The following SNRNP200 variants were observed in gnomAD, a reference collection of about 807,000 sequenced individuals.
The protein encoded by SNRNP200 is U5 small nuclear ribonucleoprotein 200 kDa helicase.
In SNRNP200, 66 loss-of-function variants were observed where a neutral mutation model predicts 255.2. The ratio of observed to expected loss-of-function variants is 0.26; its 90% confidence interval spans 0.21 to 0.32. The LOEUF (loss-of-function observed/expected upper bound fraction) is 0.32. Ranked by LOEUF, SNRNP200 falls within the 10% of genes least tolerant of loss-of-function variation. SNRNP200 has a pLI of 1.00. For missense variants in SNRNP200, 1,585 were observed against 2,749.8 expected, an observed-to-expected ratio of 0.58 and a Z score of 9.47; for synonymous variants, 939 against 1,027.8, an observed-to-expected ratio of 0.91 and a Z score of 1.65.
rs766264559 is a variant in SNRNP200 at position 96,298,936 on chromosome 2, T to C, written c.761A>G (p.Lys254Arg). 32 of 1,614,094 alleles carry C rather than the reference T, an allele frequency of 2.0e-5. No individual in the cohort carries two copies. The highest frequency in any genetic ancestry group is 2.7e-5 in the Non-Finnish European group (32 of 1,180,052). The change falls in exon 7 of 45, where the codon AAG (lysine) becomes AGG (arginine). Residue 254 changes from lysine to arginine, a missense_variant. Transcript: ENST00000323853. ...LVASGELMSS[K>R]KKDLHPRDID... is the part of the protein sequence containing the mutation. ...ATCCCGAGGGTGCAAATCCTTCTTCTTGGAACTCATCAGTTCACCTGAGGC... is the reference window on the plus strand; with the variant it reads ...ATCCCGAGGGTGCAAATCCTTCTTCCTGGAACTCATCAGTTCACCTGAGGC...
Position 96,278,036 on chromosome 2 carries a change from T to C in SNRNP200, c.5611-86A>G. 6.3e-7 allele frequency: 1 copy of C among 1,590,184 alleles called. No individual in the cohort carries two copies. The stretch of plus-strand genomic sequence containing the variant: ...GGCCAAAGCACCACGTGGCCCAGGC[T>C]CACACAGCCCTTCAACACCCTGAGG... On this transcript the variant is annotated intron_variant, in intron 39 of 44. Transcript: ENST00000323853. This position sits in a 1 kb window ranked among gnomAD's most constrained non-coding sequence, Gnocchi z 6.9.
In SNRNP200 at chr2:96,279,015, G is replaced by A. The variant is rs750884264; in HGVS notation, c.5134-17C>T. 3.7e-6 allele frequency: 6 copies of A among 1,602,774 alleles called. No individual in the cohort carries two copies. The East Asian group carries it at 8.9e-5, about 24-fold the overall frequency. ...GAAGAAATCCTGTGGGTTGGAGAGG[G>A]AGAAGGAGTAATAAAGAATTAGTGA... is the stretch of plus-strand genomic sequence containing the variant. On this transcript the variant is annotated splice_polypyrimidine_tract_variant and intron_variant, in intron 36 of 44. Coordinates refer to ENST00000323853, the MANE Select transcript of SNRNP200 (RefSeq NM_014014.5).
chr2:96,287,465 A>C lies in SNRNP200; in HGVS notation c.3458T>G (p.Leu1153Arg). ...AATCTCATTATGATTCAGGTCGTAC[A>C]GACGCTCAAAGGGGAAATTCTTCTT... Reference protein sequence around the residue: ...IEKKNFPFERLYDLNHNEIGE... With the variant: ...IEKKNFPFERRYDLNHNEIGE... The change falls in exon 26 of 45, where the codon CTG becomes CGG. Residue 1153 changes from leucine (L) to arginine (R), a missense_variant. By Grantham distance (102) the Leu-to-Arg change is moderately radical (BLOSUM62 -2). Around this residue, in one of 9 missense-constraint regions of SNRNP200, gnomAD observed 719 missense variants for 1,091.1 expected, o/e 0.66. Transcript: ENST00000323853. This position sits in a 1 kb window ranked among gnomAD's most constrained non-coding sequence, Gnocchi z 5.7. The C allele has an allele frequency of 6.2e-7, 1 of 1,613,522 alleles. No individual in the cohort carries two copies. Among genetic ancestry groups the C allele is most frequent in the Non-Finnish European group, 8.5e-7 (1 of 1,179,382 alleles).
At position 96,278,549 on chromosome 2, in the gene SNRNP200, A is replaced by G; in HGVS notation, c.5486T>C (p.Ile1829Thr). ...ACACGGGCCATGCCGGGCCTCACCA[A>G]TGGTGGTGTAGTTGATGTAATAGTA... ...AAYYYINYTT[I>T]ELFSMSLNAK... Residue 1829 changes from isoleucine to threonine, a missense_variant and splice_region_variant, in exon 38 of 45, where the codon ATT becomes ACT. Physicochemically the swap from Ile to Thr is moderately conservative, Grantham distance 89 (BLOSUM62 -1). This residue lies in a region of SNRNP200 where 279 missense variants were observed against 551.2 expected (regional missense o/e 0.51). Transcript: ENST00000323853. The surrounding 1 kb of genome is among the most constrained non-coding windows in gnomAD (Gnocchi z 6.9). The G allele has an allele frequency of 1.2e-6, 2 of 1,613,960 alleles. No individual in the cohort carries two copies. Among genetic ancestry groups the G allele is most frequent in the Non-Finnish European group, 1.7e-6 (2 of 1,180,016 alleles).
At chr2:96,292,884 T>G in intron 16 of SNRNP200, 88 bp downstream of exon 16, 1 of 1,495,420 alleles carries the variant, frequency 6.7e-7, no homozygotes, top group Non-Finnish European at 9.3e-7. Context: ...TCTTCTCTCT[T>G]TTAATTTCTG....
At position 96,274,577 on chromosome 2, in the gene SNRNP200, G is replaced by C; in HGVS notation, c.*435C>G. 5.4e-5 allele frequency: 16 copies of C among 294,954 alleles called. 1 individual carries two copies. The highest frequency in any genetic ancestry group is 4.9e-4 in the South Asian group (15 of 30,542). The allele number at this position is 294,954 out of a possible 1,614,324, so 18.3% of individuals were successfully genotyped here. The stretch of plus-strand genomic sequence containing the variant: ...TACCCTCCTCTGGGCTGACTCACGA[G>C]GCTACAGGGGACAGCACACCTAATG... On this transcript the variant is annotated 3_prime_UTR_variant, in exon 45 of 45. Transcript: ENST00000323853.
At position 96,275,095 on chromosome 2, in the gene SNRNP200, T is replaced by A; in HGVS notation, c.6328A>T (p.Ser2110Cys). Residue 2110 changes from serine (S) to cysteine (C), a missense_variant, in exon 45 of 45, where the codon AGT becomes TGT. This residue lies in a region of SNRNP200 where 279 missense variants were observed against 551.2 expected (regional missense o/e 0.51). Coordinates refer to ENST00000323853, the MANE Select transcript of SNRNP200 (RefSeq NM_014014.5). ...TGGTCACATCCCATGTAAGCGTCACTCATGAAGTACAGAGTGTAGTTGTGG... is the reference window on the plus strand; with the variant it reads ...TGGTCACATCCCATGTAAGCGTCACACATGAAGTACAGAGTGTAGTTGTGG... ...GAHNYTLYFM[S>C]DAYMGCDQEY... 1 of 1,614,236 alleles carries A rather than the reference T, an allele frequency of 6.2e-7. No individual in the cohort carries two copies. Among genetic ancestry groups the A allele is most frequent in the Non-Finnish European group, 8.5e-7 (1 of 1,180,026 alleles).
At position 96,287,853 on chromosome 2, in the gene SNRNP200, G is replaced by A. The variant is rs373797897; in HGVS notation, c.3365+10C>T. The A allele has an allele frequency of 4.3e-6, 7 of 1,612,090 alleles. No homozygotes were observed. The African/African-American group carries it at 9.3e-5, about 22-fold the overall frequency. Reference sequence around the variant, plus strand: ...CATGGTGACCAGCATCCAGCTCACTGGGTCCTTACATGCGTTTGTCGATCA... The same window carrying A: ...CATGGTGACCAGCATCCAGCTCACTAGGTCCTTACATGCGTTTGTCGATCA... On this transcript the variant is annotated intron_variant, in intron 25 of 44. Coordinates refer to ENST00000323853, the MANE Select transcript of SNRNP200 (RefSeq NM_014014.5). This position sits in a 1 kb window ranked among gnomAD's most constrained non-coding sequence, Gnocchi z 5.7.
intron 8 of SNRNP200, 34 bp from the exon 9 acceptor site, chr2:96,298,454 AG>A: frequency 6.2e-7 from 1 of 1,613,944 alleles, no homozygotes; most frequent in Non-Finnish European, 8.5e-7. Flanking sequence ...GGAAGTGAGG[AG>A]GAGGAAATAA....
chr2:96,289,803 A>C lies in SNRNP200; in HGVS notation c.2936T>G (p.Phe979Cys). Residue 979 changes from phenylalanine to cysteine, a missense_variant, in exon 21 of 45, where the codon TTC (phenylalanine) becomes TGC (cysteine). Physicochemically the swap from Phe to Cys is radical, Grantham distance 205 (BLOSUM62 -2). This residue lies in a region of SNRNP200 where 719 missense variants were observed against 1,091.1 expected (regional missense o/e 0.66). Transcript: ENST00000323853. ...CAAAACCCTCACCCCACGCACCTGG[A>C]AGTTGCCCGTCTTCTTGTCGTACTT... Reference protein sequence around the residue: ...LVKYDKKTGNFQVTELGRIAS... With the variant: ...LVKYDKKTGNCQVTELGRIAS... The C allele has an allele frequency of 6.2e-7, 1 of 1,614,036 alleles. No individual in the cohort carries two copies.
At position 96,278,454 on chromosome 2, in the gene SNRNP200, C is replaced by G. The variant is rs1341740461; in HGVS notation, c.5488+93G>C. ...TGCTGTCCCCTGCAGTGTCATCCCGCTGACAAACACGGGCGCACCTCTCAT... is the reference window on the plus strand; with the variant it reads ...TGCTGTCCCCTGCAGTGTCATCCCGGTGACAAACACGGGCGCACCTCTCAT... On this transcript the variant is annotated intron_variant, in intron 38 of 44. Transcript: ENST00000323853. The surrounding 1 kb of genome is among the most constrained non-coding windows in gnomAD (Gnocchi z 6.9). 2 of 1,610,478 alleles carry G rather than the reference C, an allele frequency of 1.2e-6. No homozygotes were observed. The highest frequency in any genetic ancestry group is 3.3e-5 in the Admixed American group (2 of 60,010).
Position 96,297,638 on chromosome 2 carries a change from T to A in SNRNP200, c.1202A>T (p.Glu401Val). 1 of 1,614,168 alleles carries A rather than the reference T, an allele frequency of 6.2e-7. No individual in the cohort carries two copies. The highest frequency in any genetic ancestry group is 8.5e-7 in the Non-Finnish European group (1 of 1,180,004). The change falls in exon 10 of 45, where the codon GAG becomes GTG. Residue 401 changes from glutamate (E) to valine (V), a missense_variant and splice_region_variant. By Grantham distance (121) the Glu-to-Val change is moderately radical. Coordinates refer to ENST00000323853, the MANE Select transcript of SNRNP200 (RefSeq NM_014014.5). ...LETMDLDQGG[E>V]ALAPRQVLDL... ...GAAATAAATCGCCCTGGATCCTACCTCTCCACCCTGGTCGAGATCCATGGT... is the reference window on the plus strand; with the variant it reads ...GAAATAAATCGCCCTGGATCCTACCACTCCACCCTGGTCGAGATCCATGGT...
chr2:96,279,578 AAAG>A lies in SNRNP200; in HGVS notation c.5025-22_5025-20del, dbSNP rs2104333944. 2 of 1,531,952 alleles carry A rather than the reference AAAG, an allele frequency of 1.3e-6. No homozygotes were observed. The highest frequency in any genetic ancestry group is 1.8e-6 in the Non-Finnish European group (2 of 1,106,520). The allele number at this position is 1,531,952 out of a possible 1,614,324, so 94.9% of individuals were successfully genotyped here. On this transcript the variant is annotated intron_variant, in intron 35 of 44. Transcript: ENST00000323853. ...CACATAGCTGGTGACAGAAGCAGGG[AAAG>A]AAGGAAAAGCCACCTCAACACGGAG...
At chr2:96,276,474 T>C (rs1684662978) in intron 43 of SNRNP200, 1 of 226,036 alleles carries the variant, frequency 4.4e-6, no homozygotes, top group Non-Finnish European at 9.1e-6. Context: ...TGGGCTGGTG[T>C]GCAGTGGGGC....
chr2:96,276,674 C>G, intron 43 of SNRNP200: 1 of 591,884 alleles, frequency 1.7e-6, no homozygotes, highest in Non-Finnish European at 3.1e-6. Context: ...CCCGCCTTGG[C>G]CTCCCAAAGT....
chr2:96,304,974 C>A, intron 1 of SNRNP200, 106 bp from the exon 2 acceptor site: 1 of 1,203,818 alleles, frequency 8.3e-7, no homozygotes, highest in Non-Finnish European at 1.2e-6. Context: ...AGTTGCTTAT[C>A]ATCACTAATC....
rs1308609517 is a variant in SNRNP200 at position 96,298,563 on chromosome 2, T to C, written c.982+40A>G. Reference sequence around the variant, plus strand: ...AATCTCTATGTCACACATGCACACATATGTACTCACTCTGCAGGAAGACCC... The same window carrying C: ...AATCTCTATGTCACACATGCACACACATGTACTCACTCTGCAGGAAGACCC... On this transcript the variant is annotated intron_variant, in intron 8 of 44. Coordinates refer to ENST00000323853, the MANE Select transcript of SNRNP200 (RefSeq NM_014014.5). The C allele has an allele frequency of 2.5e-6, 4 of 1,603,760 alleles. No homozygotes were observed. In the South Asian group the frequency reaches 3.3e-5, roughly 13 times the overall value.
chr2:96,287,028 G>A lies in SNRNP200; in HGVS notation c.3617C>T (p.Pro1206Leu). The A allele has an allele frequency of 6.2e-7, 1 of 1,614,196 alleles. No homozygotes were observed. The highest frequency in any genetic ancestry group is 8.5e-7 in the Non-Finnish European group (1 of 1,180,032). Residue 1206 changes from proline (P) to leucine (L), a missense_variant, in exon 27 of 45, where the codon CCA becomes CTA. Transcript: ENST00000323853. This position sits in a 1 kb window ranked among gnomAD's most constrained non-coding sequence, Gnocchi z 5.7. ...STLKVELTITPDFQWDEKVHG... is the reference protein window; with the variant it reads ...STLKVELTITLDFQWDEKVHG... ...CACCTTTTCATCCCACTGGAAGTCT[G>A]GCGTGATGGTCAGCTCCACCTTCAG... is the stretch of plus-strand genomic sequence containing the variant.
chr2:96,301,155 C>T, intron 4 of SNRNP200, 102 bp from the exon 5 acceptor site: 1 of 966,622 alleles, frequency 1.0e-6, no homozygotes, highest in Non-Finnish European at 1.7e-6. Flanking sequence ...CAGGAAAGAT[C>T]TAAGTGCTAA....
Sources: gnomAD v4.1 joint callset for allele counts on GRCh38, gnomAD v4.1.1 for gene constraint, gnomAD v4.1.1 regional missense constraint, Gnocchi (gnomAD v3.1) non-coding constraint, MANE v1.5 for transcripts, NCBI Gene and HGNC (gene_info 2026-07-23, HGNC 2026-07-21) for gene names.